The following NKAIN2 variants were observed in gnomAD, a reference collection of about 807,000 sequenced individuals.
NKAIN2 encodes the protein sodium/potassium transporting ATPase interacting 2.
In NKAIN2, 14 loss-of-function variants were observed where a neutral mutation model predicts 32.6. The ratio of observed to expected loss-of-function variants is 0.43; its 90% confidence interval spans 0.28 to 0.67. The LOEUF (loss-of-function observed/expected upper bound fraction) is 0.67, where lower values mean the gene tolerates loss of function less well. Ranked by LOEUF, NKAIN2 falls within the 30% of genes least tolerant of loss-of-function variation. NKAIN2 has a pLI of 0.17. For synonymous variants in NKAIN2, 80 were observed against 87.2 expected (o/e 0.92, Z 0.46); for missense variants, 198 against 258.3 (o/e 0.77, Z 1.60).
At chr6:123,947,803 T>C (rs1777140266) in intron 1 of NKAIN2, among the ~76,000 whole-genome samples, 1 of 152,140 alleles carries the variant, frequency 6.6e-6, no homozygotes, top group Admixed American at 6.6e-5. Context: ...ATACAATAGA[T>C]TGTTGTTAAC....
chr6:124,640,796 A>C (rs1377885099), intron 3 of NKAIN2, among the ~76,000 whole-genome samples: 1 of 152,198 alleles, frequency 6.6e-6, no homozygotes, highest in African/African-American at 2.4e-5. Context: ...TTAACATAGC[A>C]TGGAGATTTG....
At chr6:124,567,669 A>G (rs1780970555) in intron 3 of NKAIN2, among the ~76,000 whole-genome samples, 1 of 152,244 alleles carries the variant, frequency 6.6e-6, no homozygotes, top group South Asian at 2.1e-4. Flanking sequence ...AGGATCACTC[A>G]TGGTCTGCTG....
chr6:124,251,914 T>A (rs80016063), intron 1 of NKAIN2, among the ~76,000 whole-genome samples: 11,629 of 152,042 alleles, frequency 0.076, 481 homozygotes, highest in Middle Eastern at 0.1. Context: ...AAGATATATA[T>A]AAGAACATTA....
intron 1 of NKAIN2, among the ~76,000 whole-genome samples, chr6:124,194,034 G>A (rs1400229596): frequency 6.6e-6 from 1 of 152,068 alleles, no homozygotes; most frequent in Non-Finnish European, 1.5e-5. Context: ...TTGTCTCTTA[G>A]TCTGAATGAG....
chr6:124,324,473 AT>A (rs961144738), intron 2 of NKAIN2, among the ~76,000 whole-genome samples: 10 of 152,164 alleles, frequency 6.6e-5, no homozygotes, highest in East Asian at 5.8e-4. Context: ...AATATTTCTA[AT>A]TTTTTTGTGA....
At chr6:123,872,305 G>C (rs1364073480) in intron 1 of NKAIN2, among the ~76,000 whole-genome samples, 1 of 152,204 alleles carries the variant, frequency 6.6e-6, no homozygotes. Flanking sequence ...ATAATGCCCT[G>C]AGGAAGCTTT....
intron 4 of NKAIN2, among the ~76,000 whole-genome samples, chr6:124,778,336 G>A (rs1321506953): frequency 6.6e-6 from 1 of 151,454 alleles, no homozygotes; most frequent in Admixed American, 6.6e-5. Flanking sequence ...GCACTTGATA[G>A]CAATTTTTAA....
chr6:124,553,744 T>G (rs1405397946), intron 3 of NKAIN2, among the ~76,000 whole-genome samples: 5 of 152,224 alleles, frequency 3.3e-5, no homozygotes, highest in Non-Finnish European at 5.9e-5. Context: ...AGCGTTTAAT[T>G]GAATCCTAGT....
At chr6:124,009,530 G>GTCT (rs147488587) in intron 1 of NKAIN2, among the ~76,000 whole-genome samples, 1,792 of 152,212 alleles carry the variant, frequency 0.012, 18 homozygotes, top group Middle Eastern at 0.068. Context: ...ACCCTACAAT[G>GTCT]TCTTGTCCCC....
chr6:124,691,119 T>C (rs1018576084), intron 4 of NKAIN2, among the ~76,000 whole-genome samples: 1 of 152,234 alleles, frequency 6.6e-6, no homozygotes, highest in African/African-American at 2.4e-5. Flanking sequence ...AATTGTGCGA[T>C]AGAAAACACT....
At chr6:124,261,872 A>C (rs1373099323) in intron 1 of NKAIN2, among the ~76,000 whole-genome samples, 1 of 151,904 alleles carries the variant, frequency 6.6e-6, no homozygotes, top group East Asian at 1.9e-4. Flanking sequence ...CACACAAAAA[A>C]AAAAAAAAAA....
intron 4 of NKAIN2, among the ~76,000 whole-genome samples, chr6:124,726,979 A>G (rs1363876717): frequency 2.0e-5 from 3 of 148,286 alleles, no homozygotes; most frequent in Non-Finnish European, 3.0e-5. Flanking sequence ...GAAATGAATG[A>G]AATGAAGCAA....
chr6:124,176,924 T>C (rs1472572663), intron 1 of NKAIN2, among the ~76,000 whole-genome samples: 3 of 152,244 alleles, frequency 2.0e-5, no homozygotes, highest in Middle Eastern at 3.5e-3. Context: ...ACCCATCTTA[T>C]GTCTTGCAAA....
chr6:124,010,067 T>G (rs1324433743), intron 1 of NKAIN2, among the ~76,000 whole-genome samples: 1 of 152,268 alleles, frequency 6.6e-6, no homozygotes, highest in East Asian at 1.9e-4. Flanking sequence ...TTCAGCCTCT[T>G]ACAGGGCCCC....
At chr6:123,873,777 G>C (rs1325017005) in intron 1 of NKAIN2, among the ~76,000 whole-genome samples, 2 of 152,136 alleles carry the variant, frequency 1.3e-5, no homozygotes, top group Non-Finnish European at 2.9e-5. Context: ...ACCATTTTCT[G>C]ATCTTTCGTT....
At chr6:124,009,181 A>G (rs1341419019) in intron 1 of NKAIN2, among the ~76,000 whole-genome samples, 1 of 151,780 alleles carries the variant, frequency 6.6e-6, no homozygotes, top group African/African-American at 2.4e-5. Context: ...CTCATACTCT[A>G]CTTTCATTAG....
intron 3 of NKAIN2, among the ~76,000 whole-genome samples, chr6:124,567,389 A>G (rs1267168994): frequency 2.6e-5 from 4 of 152,128 alleles, no homozygotes; most frequent in African/African-American, 9.7e-5. Context: ...CAAACAAACG[A>G]TTTCCATTTT....
At chr6:124,500,028 A>C (rs1199483131) in intron 3 of NKAIN2, among the ~76,000 whole-genome samples, 3 of 152,202 alleles carry the variant, frequency 2.0e-5, no homozygotes, top group Non-Finnish European at 4.4e-5. Flanking sequence ...TGCTATTACT[A>C]TGTTTCACTT....
chr6:124,695,549 A>G (rs1031606833), intron 4 of NKAIN2, among the ~76,000 whole-genome samples: 1 of 152,256 alleles, frequency 6.6e-6, no homozygotes, highest in East Asian at 1.9e-4. Flanking sequence ...TCTTATATTG[A>G]TAACAGTAGC....
Sources: allele counts gnomAD v4.1 joint callset (sites outside exome capture counted in the v4.1 genomes callset), GRCh38; gene constraint gnomAD v4.1.1; transcripts MANE v1.5; gene names NCBI Gene and HGNC (gene_info 2026-07-23, HGNC 2026-07-21).